FRMD4B: variants seen among roughly 807,000 people sequenced by gnomAD.
FRMD4B encodes FERM domain-containing protein 4B.
FRMD4B carries 74 observed loss-of-function variants against 141.5 expected under a neutral mutation model. That is an observed-to-expected ratio of 0.52 (90% CI 0.43 to 0.63). The LOEUF (loss-of-function observed/expected upper bound fraction) is 0.63. Ranked by LOEUF, FRMD4B falls within the 30% of genes least tolerant of loss-of-function variation. The pLI, the probability that FRMD4B is intolerant of heterozygous loss-of-function variation, is 0.00. For synonymous variants in FRMD4B, 506 were observed against 467.9 expected (o/e 1.08, Z -1.05); for missense variants, 1,366 against 1,253.4 (o/e 1.09, Z -1.36).
chr3:69,375,236 C>A (rs368204095), intron 1 of FRMD4B, among the ~76,000 whole-genome samples: 2 of 82,470 alleles, frequency 2.4e-5, no homozygotes, highest in African/African-American at 7.8e-5. Flanking sequence ...CATCCATCCA[C>A]CCCATCCCAT....
At chr3:69,229,465 A>G (rs1194031870) in intron 7 of FRMD4B, among the ~76,000 whole-genome samples, 1 of 152,188 alleles carries the variant, frequency 6.6e-6, no homozygotes, top group Non-Finnish European at 1.5e-5. Context: ...TCCTATAAGA[A>G]CCTGTTTAAT....
At chr3:69,204,348 G>A (rs2093000614) in intron 11 of FRMD4B, among the ~76,000 whole-genome samples, 1 of 152,144 alleles carries the variant, frequency 6.6e-6, no homozygotes, top group Non-Finnish European at 1.5e-5. Context: ...GGCCAGGACA[G>A]GAAAGACATC....
chr3:69,347,095 T>C (rs1264776351), intron 1 of FRMD4B, among the ~76,000 whole-genome samples: 1 of 152,164 alleles, frequency 6.6e-6, no homozygotes, highest in Admixed American at 6.5e-5. Context: ...CCATCTCACA[T>C]GCAGAGACAC....
chr3:69,209,563 G>C (rs2093056218), intron 11 of FRMD4B, among the ~76,000 whole-genome samples: 1 of 152,128 alleles, frequency 6.6e-6, no homozygotes, highest in South Asian at 2.1e-4. Flanking sequence ...AAAGTTGAGT[G>C]ACAGCTCTGA....
At chr3:69,247,435 C>G (rs1287560026) in intron 7 of FRMD4B, among the ~76,000 whole-genome samples, 1 of 152,192 alleles carries the variant, frequency 6.6e-6, no homozygotes, top group Non-Finnish European at 1.5e-5. Flanking sequence ...TGACTGTGTT[C>G]CTTGCATATC....
At chr3:69,201,232 A>G (rs1252570803) in intron 11 of FRMD4B, among the ~76,000 whole-genome samples, 1 of 152,088 alleles carries the variant, frequency 6.6e-6, no homozygotes, top group Non-Finnish European at 1.5e-5. Flanking sequence ...ATAAATGTGG[A>G]TTGGAATGAT....
chr3:69,466,410 A>G (rs1705787084), intron 1 of FRMD4B, among the ~76,000 whole-genome samples: 1 of 152,044 alleles, frequency 6.6e-6, no homozygotes, highest in Non-Finnish European at 1.5e-5. Flanking sequence ...AAACTGGATT[A>G]TTCTTAAATG....
chr3:69,171,725 C>T lies in FRMD4B; in HGVS notation c.*136G>A. On this transcript the variant is annotated 3_prime_UTR_variant, in exon 23 of 23. Coordinates refer to ENST00000398540, the MANE Select transcript of FRMD4B (RefSeq NM_015123.3). Reference sequence around the variant, plus strand: ...GGTGTGTGATTCACTGATTCACTTCCAGGGCAACTAAGTCTTCTCTTCAAC... The same window carrying T: ...GGTGTGTGATTCACTGATTCACTTCTAGGGCAACTAAGTCTTCTCTTCAAC... 1.2e-6 allele frequency: 1 copy of T among 824,196 alleles called. No individual in the cohort carries two copies. Among genetic ancestry groups the T allele is most frequent in the Non-Finnish European group, 1.9e-6 (1 of 514,046 alleles). The allele number at this position is 824,196 out of a possible 1,614,324, so 51.1% of individuals were successfully genotyped here.
chr3:69,538,315 A>G (rs1474648295), intron 1 of FRMD4B, among the ~76,000 whole-genome samples: 2 of 152,236 alleles, frequency 1.3e-5, no homozygotes. Flanking sequence ...AAAAATATAT[A>G]TTGTATATAT....
At chr3:69,419,386 C>A (rs1704930103) in intron 2 of FRMD4B, among the ~76,000 whole-genome samples, 1 of 152,110 alleles carries the variant, frequency 6.6e-6, no homozygotes, top group South Asian at 2.1e-4. Flanking sequence ...CATGCTCAGG[C>A]AGCCTCTTCC....
chr3:69,459,676 C>T (rs1362712394), intron 1 of FRMD4B, among the ~76,000 whole-genome samples: 2 of 152,196 alleles, frequency 1.3e-5, no homozygotes, highest in South Asian at 2.1e-4. Context: ...ATCCCTGCCT[C>T]GGTTTTCCCA....
rs540273782 is a variant in FRMD4B at position 69,181,003 on chromosome 3, G to T, written c.2747C>A (p.Pro916Gln). The T allele has an allele frequency of 6.2e-7, 1 of 1,613,960 alleles. No individual in the cohort carries two copies. Among genetic ancestry groups the T allele is most frequent in the Non-Finnish European group, 8.5e-7 (1 of 1,179,838 alleles). Residue 916 changes from proline (P) to glutamine (Q), a missense_variant, in exon 21 of 23, where the codon CCG (proline) becomes CAG (glutamine). Physicochemically the swap from Pro to Gln is moderately conservative, Grantham distance 76 (BLOSUM62 -1). Coordinates refer to ENST00000398540, the MANE Select transcript of FRMD4B (RefSeq NM_015123.3). ...CCTGTCTGAGTCAAAGCTGGTCTGC[G>T]GGCTGTGTCCCTGATCCTTCTGCCC... Reference protein sequence around the residue: ...ASGQKDQGHSPQTSFDSDRGS... With the variant: ...ASGQKDQGHSQQTSFDSDRGS...
chr3:69,479,916 T>C (rs1706088117), intron 1 of FRMD4B, among the ~76,000 whole-genome samples: 1 of 152,200 alleles, frequency 6.6e-6, no homozygotes, highest in African/African-American at 2.4e-5. Context: ...CTTTTTATTC[T>C]TTTTTCTCTA....
At chr3:69,463,462 C>T (rs1241123576) in intron 1 of FRMD4B, among the ~76,000 whole-genome samples, 4 of 152,158 alleles carry the variant, frequency 2.6e-5, no homozygotes, top group Non-Finnish European at 5.9e-5. Flanking sequence ...TTAAAGTTCA[C>T]GATCAAAACA....
In FRMD4B at chr3:69,181,038, C is replaced by T. The variant is rs2092701647; in HGVS notation, c.2712G>A (p.Gln904=). ...CCTGATCCTTCTGCCCAGAGGCCCG[C>T]TGGTACCAGCCACGCAAGTGCTCGG... ...LVAEHLRGWY[Q]RASGQKDQGH... is the part of the protein sequence containing the mutation. The change falls in exon 21 of 23, where the codon CAG becomes CAA. Residue 904 remains glutamine, a synonymous_variant. Transcript: ENST00000398540. 2 of 1,613,922 alleles carry T rather than the reference C, an allele frequency of 1.2e-6. No individual in the cohort carries two copies. Among genetic ancestry groups the T allele is most frequent in the Admixed American group, 3.3e-5 (2 of 60,008 alleles).
chr3:69,221,263 G>C (rs1388576059), intron 9 of FRMD4B, among the ~76,000 whole-genome samples: 3 of 152,104 alleles, frequency 2.0e-5, no homozygotes, highest in Admixed American at 6.5e-5. Flanking sequence ...GTGCTGGCCT[G>C]TTCTTAATAA....
Position 69,181,499 on chromosome 3 carries a change from A to C in FRMD4B, c.2251T>G (p.Tyr751Asp), listed in dbSNP as rs746609525. 6 of 1,613,826 alleles carry C rather than the reference A, an allele frequency of 3.7e-6. No individual in the cohort carries two copies. The highest frequency in any genetic ancestry group is 5.1e-6 in the Non-Finnish European group (6 of 1,179,766). Reference sequence around the variant, plus strand: ...CGAGTGTCCAGGGTCTGGGTGGTGTAATAGGGGCCGGTAACTGGTGTCACA... The same window carrying C: ...CGAGTGTCCAGGGTCTGGGTGGTGTCATAGGGGCCGGTAACTGGTGTCACA... ...YCVTPVTGPYYTTQTLDTRTR... is the reference protein window; with the variant it reads ...YCVTPVTGPYDTTQTLDTRTR... Residue 751 changes from tyrosine (Y) to aspartate (D), a missense_variant, in exon 21 of 23, where the codon TAC becomes GAC. Tyr to Asp is a radical substitution (Grantham distance 160, BLOSUM62 -3). Transcript: ENST00000398540.
intron 1 of FRMD4B, among the ~76,000 whole-genome samples, chr3:69,538,426 C>T (rs1220538280): frequency 6.6e-6 from 1 of 152,106 alleles, no homozygotes; most frequent in East Asian, 1.9e-4. Context: ...ACTTTTCAAA[C>T]TTTTTGATGG....
intron 1 of FRMD4B, among the ~76,000 whole-genome samples, chr3:69,478,885 G>T: frequency 6.6e-6 from 1 of 151,516 alleles, no homozygotes; most frequent in Non-Finnish European, 1.5e-5. Flanking sequence ...GAATCTGGGT[G>T]CTCCTGTATT....
Sources: gnomAD v4.1 joint callset for allele counts (sites outside exome capture counted in the v4.1 genomes callset) on GRCh38, gnomAD v4.1.1 for gene constraint, MANE v1.5 for transcripts, NCBI Gene and HGNC (gene_info 2026-07-23, HGNC 2026-07-21) for gene names.